The following ATF7 variants were observed in gnomAD, a reference collection of about 807,000 sequenced individuals.
The protein encoded by ATF7 is activating transcription factor 7, also known as cyclic AMP-dependent transcription factor ATF-7.
ATF7 carries 10 observed loss-of-function variants against 50.4 expected under a neutral mutation model. The observed-to-expected ratio is 0.20, with a 90% CI of 0.12 to 0.34. The LOEUF (loss-of-function observed/expected upper bound fraction) is 0.34. Among genes scored for constraint, ATF7 ranks in the 10% least tolerant of loss-of-function variants. The pLI, the probability that ATF7 is intolerant of heterozygous loss-of-function variation, is 1.00. For synonymous variants in ATF7, 201 were observed against 226.4 expected (o/e 0.89, Z 1.01); for missense variants, 465 against 613.9 (o/e 0.76, Z 2.56).
At chr12:53,580,609 A>G (rs1942372274) in intron 2 of ATF7, among the ~76,000 whole-genome samples, 1 of 145,732 alleles carries the variant, frequency 6.9e-6, no homozygotes, top group Non-Finnish European at 1.5e-5. Context: ...GCTTGCAGTG[A>G]GCGGAGATCA....
chr12:53,519,662 T>G (rs1316997110), intron 11 of ATF7, among the ~76,000 whole-genome samples: 1 of 152,184 alleles, frequency 6.6e-6, no homozygotes, highest in Non-Finnish European at 1.5e-5. Context: ...TCAGAGTTCT[T>G]GCAGGGACTA....
At chr12:53,525,083 G>A (rs537244536) in intron 9 of ATF7, 9 of 218,840 alleles carry the variant, frequency 4.1e-5, no homozygotes, top group Non-Finnish European at 8.2e-5. Flanking sequence ...GACCGGCACA[G>A]TGGCTCGCGC....
Position 53,587,589 on chromosome 12 carries a change from C to T in ATF7, c.48+13364G>A, listed in dbSNP as rs373069477. Among the ~76,000 whole-genome samples, 56 of 148,908 alleles carry T rather than the reference C, an allele frequency of 3.8e-4. No individual in the cohort carries two copies. The East Asian group carries it at 4.6e-3, about 12-fold the overall frequency. ...GGCTGAGGCACGACAATCGCCTGAA[C>T]GTGGGAGGCAGAGGTTGCAGTGAGT... On this transcript the variant is annotated intron_variant, in intron 2 of 11. Coordinates refer to ENST00000420353, the MANE Select transcript of ATF7 (RefSeq NM_006856.3).
chr12:53,550,327 AAAAAAAAT>A (rs1470264379), intron 3 of ATF7, among the ~76,000 whole-genome samples: 92 of 113,512 alleles, frequency 8.1e-4, no homozygotes, highest in African/African-American at 2.0e-3. Flanking sequence ...CTGTCTCAAA[AAAAAAAAT>A]AAATAAATAA....
chr12:53,586,818 C>T (rs993424287), intron 2 of ATF7, among the ~76,000 whole-genome samples: 3 of 152,126 alleles, frequency 2.0e-5, no homozygotes, highest in African/African-American at 7.2e-5. Flanking sequence ...CACGCACACA[C>T]GTGCACGCTC....
Position 53,537,223 on chromosome 12 carries a change from C to T in ATF7, c.402+192G>A, listed in dbSNP as rs529885373. Among the ~76,000 whole-genome samples the T allele has an allele frequency of 7.9e-5, 12 of 152,108 alleles. No homozygotes were observed. The South Asian group carries it at 2.5e-3, about 32-fold the overall frequency. ...AGCTGGAACTACAGGCATGCTCCAC[C>T]ACGCCCAGGTAATTTTTGTATTTTA... On this transcript the variant is annotated intron_variant, in intron 5 of 11. Coordinates refer to ENST00000420353, the MANE Select transcript of ATF7 (RefSeq NM_006856.3).
At chr12:53,599,869 C>T (rs1015784042) in intron 2 of ATF7, among the ~76,000 whole-genome samples, 4 of 152,048 alleles carry the variant, frequency 2.6e-5, no homozygotes, top group South Asian at 2.1e-4. Context: ...AATAAAACTT[C>T]CTTCGTATTC....
intron 1 of ATF7, among the ~76,000 whole-genome samples, chr12:53,622,360 C>T (rs1408665876): frequency 1.3e-5 from 2 of 151,746 alleles, no homozygotes; most frequent in Non-Finnish European, 2.9e-5. Flanking sequence ...GTGGCTCACA[C>T]CTGTAATCCC....
At chr12:53,525,267 T>G (rs1252438641) in intron 9 of ATF7, among the ~76,000 whole-genome samples, 2 of 152,104 alleles carry the variant, frequency 1.3e-5, no homozygotes, top group Non-Finnish European at 2.9e-5. Context: ...GCAGGAGAAT[T>G]GCTTGAGTCC....
intron 11 of ATF7, among the ~76,000 whole-genome samples, chr12:53,519,861 C>T (rs1194291149): frequency 6.6e-6 from 1 of 152,086 alleles, no homozygotes; most frequent in East Asian, 1.9e-4. Context: ...ATTCTCCTGC[C>T]TCAGCTTCCC....
chr12:53,570,638 T>TTGTG (rs1941694078), intron 2 of ATF7, among the ~76,000 whole-genome samples: 1 of 152,106 alleles, frequency 6.6e-6, no homozygotes, highest in African/African-American at 2.4e-5. Flanking sequence ...CAAGAATGTG[T>TTGTG]TTCATGTCTC....
intron 2 of ATF7, among the ~76,000 whole-genome samples, chr12:53,570,950 T>C (rs924076665): frequency 1.3e-5 from 2 of 152,116 alleles, no homozygotes; most frequent in African/African-American, 2.4e-5. Flanking sequence ...ATTCAATCCA[T>C]AACAGCTCAC....
chr12:53,545,958 C>T lies in ATF7; in HGVS notation c.146-2510G>A, dbSNP rs548216547. 2.6e-3 allele frequency among the ~76,000 whole-genome samples: 399 copies of T among 151,962 alleles called. 6 individuals carry two copies. The highest frequency in any genetic ancestry group is 2.0e-3 in the East Asian group (10 of 5,124). On this transcript the variant is annotated intron_variant, in intron 3 of 11. Transcript: ENST00000420353. ...CTGTAATCCCAACACTATGGGAGGC[C>T]GAGGCAAGTGGATCACCTGAGGTCG...
rs753215408 is a variant in ATF7 at position 53,524,752 on chromosome 12, C to A, written c.937G>T (p.Ala313Ser). ...PSPAQPQVSPAQPTPSTGGRR... is the reference protein window; with the variant it reads ...PSPAQPQVSPSQPTPSTGGRR... ...CCCCCAGTACTAGGGGTGGGCTGAG[C>A]TGGTGAGACCTGGTGCCCAGGAAGG... Residue 313 changes from alanine to serine, a missense_variant, in exon 10 of 12, where the codon GCT becomes TCT. Ala to Ser is a moderately conservative substitution (Grantham distance 99, BLOSUM62 1). Transcript: ENST00000420353. This position sits in a 1 kb window ranked among gnomAD's most constrained non-coding sequence, Gnocchi z 4.6. The A allele has an allele frequency of 3.1e-6, 5 of 1,595,782 alleles. 1 individual carries two copies. The Admixed American group carries it at 7.1e-5, about 23-fold the overall frequency.
At chr12:53,609,035 T>C (rs1044460927) in intron 1 of ATF7, among the ~76,000 whole-genome samples, 2 of 152,198 alleles carry the variant, frequency 1.3e-5, no homozygotes, top group Non-Finnish European at 2.9e-5. Context: ...CCAGGTGCCA[T>C]GGCTCACACC....
Position 53,537,542 on chromosome 12 carries a change from C to A in ATF7, c.275G>T (p.Gly92Val). 1 of 1,613,338 alleles carries A rather than the reference C, an allele frequency of 6.2e-7. No individual in the cohort carries two copies. Among genetic ancestry groups the A allele is most frequent in the Non-Finnish European group, 8.5e-7 (1 of 1,179,846 alleles). The change falls in exon 5 of 12, where the codon GGG (glycine) becomes GTG (valine). Residue 92 changes from glycine (G) to valine (V), a missense_variant. By Grantham distance (109) the Gly-to-Val change is moderately radical. Coordinates refer to ENST00000420353, the MANE Select transcript of ATF7 (RefSeq NM_006856.3). ...GGAAGGCAGAGACATGTCAAGGGGC[C>A]CAGCAGCAGCCTGTTGTGAAAGAAA... ...ADEDEKKAAA[G>V]PLDMSLPSTP...
intron 2 of ATF7, among the ~76,000 whole-genome samples, chr12:53,590,913 G>T (rs1263605490): frequency 1.3e-5 from 2 of 152,148 alleles, no homozygotes; most frequent in African/African-American, 4.8e-5. Flanking sequence ...GATTTTTATG[G>T]CAGTGAGACT....
chr12:53,587,843 A>ATATATATATATATATTTTTT, intron 2 of ATF7, among the ~76,000 whole-genome samples: 3 of 61,564 alleles, frequency 4.9e-5, no homozygotes, highest in Non-Finnish European at 1.0e-4. Context: ...ATATATATAT[A>ATATATATATATATATTTTTT]TTTTTTTTTT....
chr12:53,554,451 C>T (rs187416969), intron 2 of ATF7, among the ~76,000 whole-genome samples: 1 of 150,610 alleles, frequency 6.6e-6, no homozygotes, highest in Non-Finnish European at 1.5e-5. Flanking sequence ...TTTAAATTAG[C>T]TGGGTGTGGT....
Sources: allele counts gnomAD v4.1 joint callset (sites outside exome capture counted in the v4.1 genomes callset), GRCh38; gene constraint gnomAD v4.1.1; non-coding constraint Gnocchi (gnomAD v3.1); transcripts MANE v1.5; gene names NCBI Gene and HGNC (gene_info 2026-07-23, HGNC 2026-07-21).